SMARCAD1: variants seen among roughly 807,000 people sequenced by gnomAD.
SMARCAD1 encodes the protein SWI/SNF-related matrix-associated actin-dependent regulator of chromatin subfamily A containing DEAD/H box 1.
Under a neutral mutation model 127.1 loss-of-function variants are expected in SMARCAD1, and 25 were observed. The ratio of observed to expected loss-of-function variants is 0.20; its 90% CI spans 0.14 to 0.27. The LOEUF is 0.27. Among genes scored for constraint, SMARCAD1 ranks in the 10% least tolerant of loss-of-function variants. The probability of loss-of-function intolerance (pLI) is 1.00; values close to 1 mark genes in which losing one functional copy is unlikely to be tolerated. For missense variants in SMARCAD1, 807 were observed against 1,206.0 expected, an observed-to-expected ratio of 0.67 and a Z score of 4.90; for synonymous variants, 400 against 396.9, an observed-to-expected ratio of 1.01 and a Z score of -0.09.
intron 15 of SMARCAD1, 146 bp downstream of exon 15, chr4:94,276,620 A>T: frequency 9.8e-7 from 1 of 1,023,996 alleles, no homozygotes; most frequent in Non-Finnish European, 1.4e-6. Flanking sequence ...TGTAAAAGGG[A>T]AGATAGTAAA....
At chr4:94,288,075 T>C (rs1755205621) in intron 23 of SMARCAD1, among the ~76,000 whole-genome samples, 1 of 152,156 alleles carries the variant, frequency 6.6e-6, no homozygotes, top group Non-Finnish European at 1.5e-5. Context: ...TTGCAGTGTT[T>C]GTTTTTTCTA....
intron 3 of SMARCAD1, among the ~76,000 whole-genome samples, chr4:94,229,930 T>C (rs1177469639): frequency 6.6e-6 from 1 of 152,166 alleles, no homozygotes; most frequent in East Asian, 1.9e-4. Flanking sequence ...AGTATCAGTA[T>C]ATTTTACTAA....
rs34166467 is a variant in SMARCAD1 at position 94,237,498 on chromosome 4, T to TAA, written c.604+492_604+493dup. ...TCGATTTTTTTTAACTTACACATAC[T>TAA]AAAAAAAAAAAAAGTAAAAATCACC... On this transcript the variant is annotated intron_variant, in intron 5 of 23. Transcript: ENST00000354268. Among the ~76,000 whole-genome samples the TAA allele has an allele frequency of 5.0e-3, 710 of 141,694 alleles. 4 individuals are homozygous for TAA. Among genetic ancestry groups the TAA allele is most frequent in the African/African-American group, 0.016 (623 of 38,358 alleles). The allele number at this position is 141,694 out of a possible 152,430, so 93.0% of individuals were successfully genotyped here.
intron 10 of SMARCAD1, among the ~76,000 whole-genome samples, chr4:94,266,004 A>G (rs976776924): frequency 6.6e-6 from 1 of 152,108 alleles, no homozygotes; most frequent in Non-Finnish European, 1.5e-5. Context: ...ATGGAAAAAA[A>G]AACAAGATGA....
intron 2 of SMARCAD1, among the ~76,000 whole-genome samples, chr4:94,223,756 T>C (rs1744552087): frequency 1.8e-5 from 1 of 54,158 alleles, no homozygotes; most frequent in Non-Finnish European, 4.4e-5. Flanking sequence ...TTTTTTTTTT[T>C]TTTTAAAGTA....
chr4:94,272,317 A>T (rs931711478), intron 11 of SMARCAD1, among the ~76,000 whole-genome samples: 3 of 152,240 alleles, frequency 2.0e-5, no homozygotes, highest in Admixed American at 6.5e-5. Flanking sequence ...AATTCAGTCC[A>T]CAACAGTTGA....
chr4:94,262,778 A>ATACCAGAG lies in SMARCAD1; in HGVS notation c.1282-1928_1282-1921dup, dbSNP rs1050520963. On this transcript the variant is annotated intron_variant, in intron 9 of 23. Transcript: ENST00000354268. ...TGAACTTTTGTTGTTTCCCTTGTTT[A>ATACCAGAG]TACCAGAGGTTATGCTTGAAATTGT... 3.3e-5 allele frequency among the ~76,000 whole-genome samples: 5 copies of ATACCAGAG among 151,936 alleles called. No individual in the cohort carries two copies. In the East Asian group the frequency reaches 9.7e-4, roughly 29 times the overall value.
At position 94,280,726 on chromosome 4, in the gene SMARCAD1, A is replaced by C; in HGVS notation, c.2553A>C (p.Leu851Phe). Reference sequence around the variant, plus strand: ...TTCAGTTAGACATGGACTTGATTTTAGATTCTGGAAAATTTCGAGTTTTAG... The same window carrying C: ...TTCAGTTAGACATGGACTTGATTTTCGATTCTGGAAAATTTCGAGTTTTAG... ...NNFQLDMDLI[L>F]DSGKFRVLGC... The change falls in exon 20 of 24, where the codon TTA becomes TTC. Residue 851 changes from leucine to phenylalanine, a missense_variant. Around this residue, in one of 8 missense-constraint regions of SMARCAD1, gnomAD observed 99 missense variants for 126.0 expected, o/e 0.79. Coordinates refer to ENST00000354268, the MANE Select transcript of SMARCAD1 (RefSeq NM_020159.5). 2 of 1,613,744 alleles carry C rather than the reference A, an allele frequency of 1.2e-6. No homozygotes were observed. The highest frequency in any genetic ancestry group is 8.5e-7 in the Non-Finnish European group (1 of 1,179,828).
At chr4:94,266,221 C>T (rs1396917585) in intron 10 of SMARCAD1, among the ~76,000 whole-genome samples, 1 of 152,082 alleles carries the variant, frequency 6.6e-6, no homozygotes, top group Non-Finnish European at 1.5e-5. Flanking sequence ...GAGTTCTTCA[C>T]TCTACAAGAC....
chr4:94,240,255 A>G (rs957091815), intron 5 of SMARCAD1, among the ~76,000 whole-genome samples: 4 of 152,222 alleles, frequency 2.6e-5, no homozygotes, highest in Admixed American at 1.3e-4. Context: ...TAATGTATAC[A>G]AGCATACATA....
chr4:94,287,830 A>AT (rs759623947), intron 23 of SMARCAD1, among the ~76,000 whole-genome samples: 6 of 151,874 alleles, frequency 4.0e-5, no homozygotes, highest in Non-Finnish European at 1.5e-5. Context: ...TACTTTTTGA[A>AT]TTTTTTTATT....
intron 15 of SMARCAD1, 47 bp from the exon 16 acceptor site, chr4:94,276,975 G>C (rs771842865): frequency 1.2e-6 from 2 of 1,610,234 alleles, no homozygotes; most frequent in East Asian, 2.2e-5. Flanking sequence ...CATGAAAGGA[G>C]TGGCTCTTTA....
chr4:94,288,773 T>C (rs1009648352), intron 23 of SMARCAD1, among the ~76,000 whole-genome samples: 1 of 152,192 alleles, frequency 6.6e-6, no homozygotes, highest in Non-Finnish European at 1.5e-5. Flanking sequence ...CCACCTGTGC[T>C]GTTGTCACTA....
rs777387325 is a variant in SMARCAD1, at chr4:94,290,476, T to A, written c.*942T>A. ...CTATTTCATTTCAAAGCAGACTGAA[T>A]GTGACTTCATCTAAAGGCAGCATTA... On this transcript the variant is annotated 3_prime_UTR_variant, in exon 24 of 24. Coordinates refer to ENST00000354268, the MANE Select transcript of SMARCAD1 (RefSeq NM_020159.5). The A allele has an allele frequency of 2.2e-6, 1 of 454,528 alleles. No homozygotes were observed. Among genetic ancestry groups the A allele is most frequent in the South Asian group, 1.6e-5 (1 of 64,478 alleles). 28.2% of individuals were successfully genotyped at this position (454,528 alleles called of 1,614,324 possible).
chr4:94,227,477 G>A (rs1215055751), intron 3 of SMARCAD1, among the ~76,000 whole-genome samples: 1 of 152,326 alleles, frequency 6.6e-6, no homozygotes, highest in African/African-American at 2.4e-5. Context: ...GCTAGTGCCT[G>A]TGGGAGGGAT....
intron 10 of SMARCAD1, among the ~76,000 whole-genome samples, chr4:94,268,346 T>C (rs1183980897): frequency 6.6e-6 from 1 of 152,204 alleles, no homozygotes; most frequent in Non-Finnish European, 1.5e-5. Context: ...GTGTTGGTGA[T>C]GAAGAATTTC....
chr4:94,248,985 CATGA>C (rs1297182439), intron 6 of SMARCAD1, among the ~76,000 whole-genome samples: 1 of 152,108 alleles, frequency 6.6e-6, no homozygotes, highest in Non-Finnish European at 1.5e-5. Context: ...TTTTCCTATG[CATGA>C]ACACAAGGAG....
intron 3 of SMARCAD1, among the ~76,000 whole-genome samples, chr4:94,227,524 G>A (rs1209013899): frequency 6.6e-6 from 1 of 152,176 alleles, no homozygotes; most frequent in Non-Finnish European, 1.5e-5. Context: ...CTTTGAAGAT[G>A]GAGCAAGAGA....
At chr4:94,283,551 C>T (rs1163036933) in intron 22 of SMARCAD1, among the ~76,000 whole-genome samples, 3 of 152,164 alleles carry the variant, frequency 2.0e-5, no homozygotes, top group African/African-American at 4.8e-5. Flanking sequence ...GACGGCCGGG[C>T]GCCGTGGCTC....
Sources: gnomAD v4.1 joint callset for allele counts (sites outside exome capture counted in the v4.1 genomes callset) on GRCh38, gnomAD v4.1.1 for gene constraint, gnomAD v4.1.1 regional missense constraint, MANE v1.5 for transcripts, NCBI Gene and HGNC (gene_info 2026-07-23, HGNC 2026-07-21) for gene names.